TRIM22: variants seen among roughly 807,000 people sequenced by gnomAD.
TRIM22 encodes tripartite motif containing 22.
In TRIM22, 45 loss-of-function variants were observed where a neutral mutation model predicts 53.6. That is an observed-to-expected ratio of 0.84 (90% CI 0.66 to 1.08). TRIM22 has a LOEUF of 1.08. TRIM22 is among the 50% of genes least tolerant of loss of function. The probability of loss-of-function intolerance (pLI) is 0.00; values close to 1 mark genes in which losing one functional copy is unlikely to be tolerated. For synonymous variants in TRIM22, 225 were observed against 216.6 expected (o/e 1.04, Z -0.34); for missense variants, 616 against 590.9 (o/e 1.04, Z -0.44).
intron 7 of TRIM22, 110 bp downstream of exon 7, chr11:5,708,713 GTTCTTT>G: frequency 1.2e-5 from 8 of 686,716 alleles, no homozygotes; most frequent in Admixed American, 7.7e-5. Context: ...AAACCATGTA[GTTCTTT>G]TTTTTTTTTT....
At chr11:5,704,795 T>A (rs1175282892) in intron 4 of TRIM22, among the ~76,000 whole-genome samples, 3 of 152,326 alleles carry the variant, frequency 2.0e-5, no homozygotes, top group African/African-American at 7.2e-5. Flanking sequence ...TTATAGTGGT[T>A]ATATGGTATA....
At chr11:5,706,878 T>G (rs996226298) in intron 5 of TRIM22, among the ~76,000 whole-genome samples, 2 of 152,190 alleles carry the variant, frequency 1.3e-5, no homozygotes, top group Non-Finnish European at 2.9e-5. Context: ...CTCACTTTAT[T>G]CAAACCTCTG....
chr11:5,692,307 C>A (rs16934531), intron 1 of TRIM22, among the ~76,000 whole-genome samples: 13,357 of 152,178 alleles, frequency 0.088, 642 homozygotes, highest in African/African-American at 0.096. Flanking sequence ...CACTGTGAGA[C>A]AATGATTTTG....
At chr11:5,693,419 GT>G (rs1853206731) in intron 1 of TRIM22, among the ~76,000 whole-genome samples, 1 of 151,528 alleles carries the variant, frequency 6.6e-6, no homozygotes, top group Admixed American at 6.6e-5. Context: ...TTTCTTCAAT[GT>G]TAGAATAAAG....
chr11:5,704,370 A>G (rs11038769), intron 4 of TRIM22, among the ~76,000 whole-genome samples: 5,830 of 152,140 alleles, frequency 0.038, 218 homozygotes, highest in East Asian at 0.2. Context: ...GACTTTCACT[A>G]TTAATTATGT....
chr11:5,693,283 C>T (rs927628712), intron 1 of TRIM22, among the ~76,000 whole-genome samples: 3 of 151,020 alleles, frequency 2.0e-5, no homozygotes, highest in Non-Finnish European at 4.4e-5. Context: ...AGCTACGGAC[C>T]TAGTTAGCCT....
chr11:5,697,126 C>G, intron 2 of TRIM22, 122 bp from the exon 3 acceptor site: 1 of 688,736 alleles, frequency 1.5e-6, no homozygotes, highest in Non-Finnish European at 2.4e-6. Flanking sequence ...GTTCTAATCA[C>G]CAGCCTCACT....
intron 4 of TRIM22, among the ~76,000 whole-genome samples, chr11:5,699,602 A>AGTTGTC (rs890404220): frequency 1.4e-5 from 2 of 142,574 alleles, no homozygotes; most frequent in Admixed American, 1.4e-4. Context: ...ATAAGTTTTA[A>AGTTGTC]GTTGTCGTAC....
In TRIM22 at chr11:5,708,602, G is replaced by C. The variant is rs552484459; in HGVS notation, c.900G>C (p.Trp300Cys). 1.1e-5 allele frequency: 18 copies of C among 1,606,872 alleles called. No homozygotes were observed. The highest frequency in any genetic ancestry group is 1.4e-5 in the Non-Finnish European group (17 of 1,177,840). Residue 300 changes from tryptophan (W) to cysteine (C), a missense_variant and splice_region_variant, in exon 7 of 8, where the codon TGG becomes TGC. Physicochemically the swap from Trp to Cys is radical, Grantham distance 215. Coordinates refer to ENST00000379965, the MANE Select transcript of TRIM22 (RefSeq NM_006074.5). ...LKELTDVQYY[W>C]VDVMLNPGSA... ...AGCTGACAGATGTCCAGTACTACTG[G>C]GGTAAGATGATATGGGGTTTTCAAA...
intron 4 of TRIM22, among the ~76,000 whole-genome samples, chr11:5,704,807 G>A (rs567133341): frequency 1.3e-5 from 2 of 152,198 alleles, no homozygotes; most frequent in South Asian, 4.2e-4. Flanking sequence ...TATGGTATAA[G>A]TTATCTATTT....
chr11:5,701,011 T>C (rs1280416175), intron 4 of TRIM22, among the ~76,000 whole-genome samples: 1 of 152,228 alleles, frequency 6.6e-6, no homozygotes, highest in Non-Finnish European at 1.5e-5. Flanking sequence ...ACATTAATAA[T>C]TTTCAAAGAT....
intron 6 of TRIM22, 52 bp from the exon 7 acceptor site, chr11:5,708,525 A>G: frequency 1.9e-6 from 3 of 1,552,170 alleles, no homozygotes; most frequent in South Asian, 2.4e-5. Context: ...GACAGGTGTC[A>G]GTACTTACTT....
At position 5,709,623 on chromosome 11, in the gene TRIM22, T is replaced by A. The variant is rs764280884; in HGVS notation, c.1472T>A (p.Met491Lys). The A allele has an allele frequency of 3.1e-6, 5 of 1,607,008 alleles. No homozygotes were observed. The highest frequency in any genetic ancestry group is 3.3e-5 in the Admixed American group (2 of 59,992). ...YFNPWNCLVP[M>K]TVCPPSS ...AATCCTTGGAACTGCCTAGTCCCCATGACTGTGTGCCCACCGAGCTCCTGA... is the reference window on the plus strand; with the variant it reads ...AATCCTTGGAACTGCCTAGTCCCCAAGACTGTGTGCCCACCGAGCTCCTGA... Residue 491 changes from methionine to lysine, a missense_variant, in exon 8 of 8, where the codon ATG becomes AAG. By Grantham distance (95) the Met-to-Lys change is moderately conservative. Transcript: ENST00000379965.
intron 4 of TRIM22, among the ~76,000 whole-genome samples, chr11:5,700,853 A>T (rs1853363535): frequency 6.6e-6 from 1 of 151,728 alleles, no homozygotes; most frequent in South Asian, 2.1e-4. Context: ...TGAACTCCTG[A>T]CCTCAGATGC....
rs189805339 is a variant in TRIM22 at position 5,703,939 on chromosome 11, C to T, written c.751-2655C>T. Among the ~76,000 whole-genome samples, 971 of 152,146 alleles carry T rather than the reference C, an allele frequency of 6.4e-3. 10 individuals are homozygous for T. The highest frequency in any genetic ancestry group is 0.022 in the African/African-American group (893 of 41,510). On this transcript the variant is annotated intron_variant, in intron 4 of 7. Coordinates refer to ENST00000379965, the MANE Select transcript of TRIM22 (RefSeq NM_006074.5). ...TGAGAAATGCAAATCAAAACCACAA[C>T]GAGATACCATCTCACAACAGTCAGA...
intron 4 of TRIM22, among the ~76,000 whole-genome samples, chr11:5,703,212 T>C (rs1343434796): frequency 6.6e-6 from 1 of 152,088 alleles, no homozygotes; most frequent in African/African-American, 2.4e-5. Flanking sequence ...CCTCCCCTAG[T>C]GTAGTCTGTA....
Position 5,696,238 on chromosome 11 carries a change from T to G in TRIM22, c.6T>G (p.Asp2Glu). 1.2e-6 allele frequency: 2 copies of G among 1,606,952 alleles called. No homozygotes were observed. The highest frequency in any genetic ancestry group is 8.5e-7 in the Non-Finnish European group (1 of 1,176,310). The change falls in exon 2 of 8, where the codon GAT becomes GAG. Residue 2 changes from aspartate to glutamate, a missense_variant. Transcript: ENST00000379965. ...GAAGCCAAGGGAGCAGTGCAATGGATTTCTCAGTAAAGGTAGACATAGAGA... is the reference window on the plus strand; with the variant it reads ...GAAGCCAAGGGAGCAGTGCAATGGAGTTCTCAGTAAAGGTAGACATAGAGA... Reference protein sequence around the residue: MDFSVKVDIEKE... With the variant: MEFSVKVDIEKE...
At position 5,696,433 on chromosome 11, in the gene TRIM22, C is replaced by A. The variant is rs1564940008; in HGVS notation, c.201C>A (p.Asn67Lys). 6.2e-7 allele frequency: 1 copy of A among 1,614,202 alleles called. No homozygotes were observed. The highest frequency in any genetic ancestry group is 8.5e-7 in the Non-Finnish European group (1 of 1,180,042). The change falls in exon 2 of 8, where the codon AAC becomes AAA. Residue 67 changes from asparagine (N) to lysine (K), a missense_variant. By Grantham distance (94) the Asn-to-Lys change is moderately conservative. Coordinates refer to ENST00000379965, the MANE Select transcript of TRIM22 (RefSeq NM_006074.5). ...GTCAGACCAGATTCCAGCCTGGGAA[C>A]CTCCGACCTAATCGGCATCTGGCCA... is the stretch of plus-strand genomic sequence containing the variant. ...PVCQTRFQPG[N>K]LRPNRHLANI... is the part of the protein sequence containing the mutation.
chr11:5,702,147 A>G (rs1027980065), intron 4 of TRIM22, among the ~76,000 whole-genome samples: 7 of 145,952 alleles, frequency 4.8e-5, no homozygotes, highest in African/African-American at 1.7e-4. Flanking sequence ...ATACATAACG[A>G]ATATATATTA....
Sources: gnomAD v4.1 joint callset for allele counts (sites outside exome capture counted in the v4.1 genomes callset) on GRCh38, gnomAD v4.1.1 for gene constraint, MANE v1.5 for transcripts, NCBI Gene and HGNC (gene_info 2026-07-23, HGNC 2026-07-21) for gene names.